STARD13: variants seen among roughly 807,000 people sequenced by gnomAD.
The protein encoded by STARD13 is StAR related lipid transfer domain containing 13, also known as stAR-related lipid transfer protein 13.
In STARD13, 62 loss-of-function variants were observed where a neutral mutation model predicts 106.4. That is an observed-to-expected ratio of 0.58 (90% CI 0.48 to 0.72). The LOEUF is 0.72. Among genes scored for constraint, STARD13 ranks in the 30% least tolerant of loss-of-function variants. STARD13 has a pLI of 0.00. For synonymous variants in STARD13, 565 were observed against 553.0 expected, an observed-to-expected ratio of 1.02 and a Z score of -0.31; for missense variants, 1,387 against 1,424.0, an observed-to-expected ratio of 0.97 and a Z score of 0.42.
chr13:33,241,381 G>C (rs1025338718), intron 1 of STARD13, among the ~76,000 whole-genome samples: 3 of 152,090 alleles, frequency 2.0e-5, no homozygotes, highest in African/African-American at 7.2e-5. Context: ...TGATATTAAT[G>C]CAGTTTTTGT....
the STARD13 span, among the ~76,000 whole-genome samples, chr13:33,433,710 A>G: frequency 6.6e-6 from 1 of 152,208 alleles, no homozygotes; most frequent in Admixed American, 6.5e-5. Context: ...TTCATTAACT[A>G]TAATCATAAA....
At chr13:33,429,929 G>T in the STARD13 span, among the ~76,000 whole-genome samples, 4 of 144,608 alleles carry the variant, frequency 2.8e-5, no homozygotes, top group South Asian at 4.4e-4. Context: ...TTTTTTTTTG[G>T]GGGGGGGGGA....
At chr13:33,360,410 T>C in the STARD13 span, among the ~76,000 whole-genome samples, 1 of 151,862 alleles carries the variant, frequency 6.6e-6, no homozygotes, top group Non-Finnish European at 1.5e-5. Flanking sequence ...TTCACCGTGT[T>C]AGCCAGGCTG....
the STARD13 span, among the ~76,000 whole-genome samples, chr13:33,516,363 A>G: frequency 5.4e-4 from 82 of 151,490 alleles, no homozygotes; most frequent in Admixed American, 1.1e-3. Context: ...ACTTACCTTA[A>G]GAACACCGAG....
At chr13:33,313,453 C>T (rs1031053251) in intron 1 of STARD13, among the ~76,000 whole-genome samples, 4 of 152,178 alleles carry the variant, frequency 2.6e-5, no homozygotes, top group Non-Finnish European at 5.9e-5. Flanking sequence ...CCTGAAAGTT[C>T]GCATATGATG....
the STARD13 span, among the ~76,000 whole-genome samples, chr13:33,512,577 C>T: frequency 2.0e-4 from 30 of 152,160 alleles, no homozygotes; most frequent in African/African-American, 7.2e-4. Flanking sequence ...AAGTGATTCT[C>T]CTGCCTCAGC....
the STARD13 span, among the ~76,000 whole-genome samples, chr13:33,624,916 G>T: frequency 6.6e-5 from 10 of 152,152 alleles, no homozygotes; most frequent in Non-Finnish European, 1.2e-4. Context: ...GCCTAAAAGT[G>T]GTACTTCCTT....
downstream of STARD13, among the ~76,000 whole-genome samples, chr13:33,347,643 G>A (rs2078031683): frequency 6.6e-6 from 1 of 152,148 alleles, no homozygotes; most frequent in Non-Finnish European, 1.5e-5. Flanking sequence ...TGCTCTAGAG[G>A]TTTGTAACCT....
chr13:33,598,589 A>G, the STARD13 span, among the ~76,000 whole-genome samples: 15 of 152,268 alleles, frequency 9.9e-5, no homozygotes, highest in African/African-American at 3.6e-4. Context: ...CATAATTTCC[A>G]TCAGTAACTC....
chr13:33,163,643 T>TATATATATAAAACATATATATATAAC (rs1882942542), intron 3 of STARD13, among the ~76,000 whole-genome samples: 1 of 39,126 alleles, frequency 2.6e-5, no homozygotes, highest in Non-Finnish European at 8.2e-5. Flanking sequence ...ATATATAACA[T>TATATATATAAAACATATATATATAAC]ATATATATAT....
chr13:33,170,759 C>A (rs1883866151), intron 1 of STARD13, among the ~76,000 whole-genome samples: 1 of 152,178 alleles, frequency 6.6e-6, no homozygotes, highest in Admixed American at 6.5e-5. Context: ...CATATTCCCC[C>A]ACCCTAGCTG....
chr13:33,374,851 G>A, the STARD13 span, among the ~76,000 whole-genome samples: 1 of 152,050 alleles, frequency 6.6e-6, no homozygotes, highest in Admixed American at 6.6e-5. Flanking sequence ...CAGATCACTG[G>A]GGAATCTTGC....
At chr13:33,108,610 C>G (rs998649106) in intron 12 of STARD13, among the ~76,000 whole-genome samples, 1 of 152,188 alleles carries the variant, frequency 6.6e-6, no homozygotes, top group African/African-American at 2.4e-5. Context: ...CCTTGGCATA[C>G]CCAGAGCCTA....
At chr13:33,497,919 G>C in the STARD13 span, among the ~76,000 whole-genome samples, 1 of 152,152 alleles carries the variant, frequency 6.6e-6, no homozygotes, top group Admixed American at 6.6e-5. Context: ...TTAGTATCAA[G>C]GGAATTGATA....
chr13:33,186,600 T>C (rs797208), intron 1 of STARD13, among the ~76,000 whole-genome samples: 108,401 of 151,986 alleles, frequency 0.71, 38,865 homozygotes, highest in Admixed American at 0.78. Flanking sequence ...AGGTTCGTGA[T>C]CTCTTTTAAG....
At chr13:33,263,258 T>G (rs1157794178) in intron 1 of STARD13, among the ~76,000 whole-genome samples, 1 of 151,838 alleles carries the variant, frequency 6.6e-6, no homozygotes, top group East Asian at 1.9e-4. Flanking sequence ...CACCCCCTAG[T>G]TGTGATCATC....
At chr13:33,588,845 G>A in the STARD13 span, among the ~76,000 whole-genome samples, 11 of 151,694 alleles carry the variant, frequency 7.3e-5, no homozygotes, top group African/African-American at 2.2e-4. Flanking sequence ...CTACTTATTC[G>A]CCCCCTCACT....
At chr13:33,138,888 T>C (rs1879436317) in intron 4 of STARD13, 1 of 473,170 alleles carries the variant, frequency 2.1e-6, no homozygotes, top group Non-Finnish European at 4.3e-6. Flanking sequence ...GAAACTGTAT[T>C]GTGGGAGGGT....
At chr13:33,494,193 C>A in the STARD13 span, among the ~76,000 whole-genome samples, 2 of 152,142 alleles carry the variant, frequency 1.3e-5, no homozygotes, top group African/African-American at 2.4e-5. Flanking sequence ...CAACATTCAC[C>A]AAACAACCAC....
Sources: allele counts gnomAD v4.1 joint callset (sites outside exome capture counted in the v4.1 genomes callset), GRCh38; gene constraint gnomAD v4.1.1; transcripts MANE v1.5; gene names NCBI Gene and HGNC (gene_info 2026-07-23, HGNC 2026-07-21).